The following SLC1A1 variants were observed in gnomAD, a reference collection of about 807,000 sequenced individuals.
The protein encoded by SLC1A1 is solute carrier family 1 member 1, also known as excitatory amino acid transporter 3.
Under a neutral mutation model 53.3 loss-of-function variants are expected in SLC1A1, and 43 were observed. That is an observed-to-expected ratio of 0.81 (90% confidence interval 0.63 to 1.04). SLC1A1 has a LOEUF of 1.04. SLC1A1 is among the 50% of genes least tolerant of loss of function. The pLI is 0.00. For missense variants in SLC1A1, 748 were observed against 664.9 expected (o/e 1.12, Z -1.37); for synonymous variants, 307 against 243.2 (o/e 1.26, Z -2.44).
At chr9:4,508,670 T>C (rs1208260501) in intron 1 of SLC1A1, among the ~76,000 whole-genome samples, 11 of 152,228 alleles carry the variant, frequency 7.2e-5, no homozygotes, top group Admixed American at 6.5e-4. Flanking sequence ...TTCATCCACA[T>C]TCCTGTGGCC....
In SLC1A1 at chr9:4,580,651, G is replaced by GTGTGTGTGTGTGTGTA. The variant is rs370378540; in HGVS notation, c.1194-2386_1194-2385insGTGTGTGTGTGTGTAT. ...TGTGTGTGTGTGTGTGTGTGTGTGT[G>GTGTGTGTGTGTGTGTA]TATAAGGAATAAAGAAGAAAGACAA... On this transcript the variant is annotated intron_variant, in intron 10 of 11. Coordinates refer to ENST00000262352, the MANE Select transcript of SLC1A1 (RefSeq NM_004170.6). Among the ~76,000 whole-genome samples, 536 of 118,778 alleles carry GTGTGTGTGTGTGTGTA rather than the reference G, an allele frequency of 4.5e-3. 13 individuals carry two copies. The highest frequency in any genetic ancestry group is 5.9e-3 in the Non-Finnish European group (364 of 61,198). 77.9% of individuals were successfully genotyped at this position (118,778 alleles called of 152,430 possible). A position where few individuals can be genotyped will look rare whatever the true frequency, so the allele number is the denominator to read the frequency against.
chr9:4,510,698 T>G (rs947709658), intron 1 of SLC1A1, among the ~76,000 whole-genome samples: 4 of 152,170 alleles, frequency 2.6e-5, no homozygotes, highest in Non-Finnish European at 4.4e-5. Context: ...GCAGGAGAGA[T>G]AAAGTTTCTG....
chr9:4,497,042 A>G (rs955206808), intron 1 of SLC1A1, among the ~76,000 whole-genome samples: 3 of 152,230 alleles, frequency 2.0e-5, no homozygotes, highest in South Asian at 4.1e-4. Context: ...TACTCCTGAG[A>G]TGGAAGGGAG....
intron 1 of SLC1A1, among the ~76,000 whole-genome samples, chr9:4,495,893 G>A (rs761191476): frequency 2.6e-5 from 4 of 152,126 alleles, no homozygotes; most frequent in Non-Finnish European, 4.4e-5. Flanking sequence ...AAGGGGCACC[G>A]ACTTGGAAAA....
intron 1 of SLC1A1, among the ~76,000 whole-genome samples, chr9:4,492,479 CA>C (rs34199207): frequency 0.45 from 43,694 of 96,364 alleles, 6,678 homozygotes; most frequent in Admixed American, 0.49. Flanking sequence ...AAGAATCCAC[CA>C]AAAAAAAAAA....
Position 4,583,111 on chromosome 9 carries a change from C to T in SLC1A1, c.1267C>T (p.Leu423=). 6.2e-7 allele frequency: 1 copy of T among 1,614,234 alleles called. No homozygotes were observed. The highest frequency in any genetic ancestry group is 8.5e-7 in the Non-Finnish European group (1 of 1,180,046). ...QAGLVTMVIV[L]SAVGLPAEDV... is the part of the protein sequence containing the mutation. ...TGGCCTGGTGACCATGGTGATTGTG[C>T]TGAGTGCCGTGGGCCTGCCCGCCGA... Residue 423 remains leucine (L), a synonymous_variant, in exon 11 of 12, where the codon CTG becomes TTG. Coordinates refer to ENST00000262352, the MANE Select transcript of SLC1A1 (RefSeq NM_004170.6). This position sits in a 1 kb window ranked among gnomAD's most constrained non-coding sequence, Gnocchi z 4.6.
At chr9:4,516,867 G>C (rs999589189) in intron 1 of SLC1A1, among the ~76,000 whole-genome samples, 7 of 152,122 alleles carry the variant, frequency 4.6e-5, no homozygotes, top group African/African-American at 1.7e-4. Context: ...GGCTTTCATG[G>C]TGTGCCCCAA....
At chr9:4,557,833 G>C (rs1375251209) in intron 2 of SLC1A1, among the ~76,000 whole-genome samples, 3 of 152,136 alleles carry the variant, frequency 2.0e-5, no homozygotes, top group African/African-American at 7.2e-5. Flanking sequence ...ATATGGAATA[G>C]TGGTTAAGAA....
At chr9:4,558,726 A>G (rs537442785) in intron 2 of SLC1A1, among the ~76,000 whole-genome samples, 3 of 152,282 alleles carry the variant, frequency 2.0e-5, no homozygotes, top group Non-Finnish European at 2.9e-5. Flanking sequence ...ATCCTGAGAG[A>G]GTACCAAACA....
intron 2 of SLC1A1, among the ~76,000 whole-genome samples, chr9:4,548,249 C>T (rs1452011225): frequency 2.0e-5 from 3 of 152,132 alleles, no homozygotes; most frequent in African/African-American, 4.8e-5. Context: ...TAGTCTTCAG[C>T]CTCCCTACCC....
intron 3 of SLC1A1, among the ~76,000 whole-genome samples, chr9:4,562,889 G>A (rs1044135329): frequency 6.7e-6 from 1 of 148,456 alleles, no homozygotes; most frequent in African/African-American, 2.5e-5. Flanking sequence ...GTGTGCATGT[G>A]TCTTTATAGC....
At position 4,556,207 on chromosome 9, in the gene SLC1A1, A is replaced by T. The variant is rs1227893554; in HGVS notation, c.233-5242A>T. Among the ~76,000 whole-genome samples the T allele has an allele frequency of 2.0e-5, 3 of 151,912 alleles. No homozygotes were observed. The highest frequency in any genetic ancestry group is 1.9e-4 in the East Asian group (1 of 5,190). On this transcript the variant is annotated intron_variant, in intron 2 of 11. Transcript: ENST00000262352. The surrounding 1 kb of genome is among the most constrained non-coding windows in gnomAD (Gnocchi z 4.1). ...TGTTTTTTTGTTTTTTTAAGTAGAG[A>T]TGGGGTTTCACCATGTTGGCCAGGC... is the stretch of plus-strand genomic sequence containing the variant.
At position 4,569,062 on chromosome 9, in the gene SLC1A1, G is replaced by A. The variant is rs145304055; in HGVS notation, c.582+1295G>A. 2.6e-4 allele frequency among the ~76,000 whole-genome samples: 39 copies of A among 152,258 alleles called. No homozygotes were observed. The East Asian group carries it at 7.1e-3, about 28-fold the overall frequency. The stretch of plus-strand genomic sequence containing the variant: ...AGAACATAACTACCAGGAATAGAGA[G>A]AGTCGACCACAAAGAGCAAAAAAAG... On this transcript the variant is annotated intron_variant, in intron 6 of 11. Coordinates refer to ENST00000262352, the MANE Select transcript of SLC1A1 (RefSeq NM_004170.6).
intron 7 of SLC1A1, 21 bp downstream of exon 7, chr9:4,572,409 G>T (rs1485620046): frequency 1.9e-6 from 3 of 1,603,738 alleles, no homozygotes. Flanking sequence ...ACTGTTTAAT[G>T]TCATTTTGCT....
intron 1 of SLC1A1, among the ~76,000 whole-genome samples, chr9:4,493,756 A>G (rs1468662881): frequency 6.6e-6 from 1 of 152,240 alleles, no homozygotes; most frequent in Non-Finnish European, 1.5e-5. Context: ...AGAAATAATA[A>G]TGCAATGAAA....
intron 2 of SLC1A1, among the ~76,000 whole-genome samples, chr9:4,557,257 T>C (rs949056478): frequency 1.3e-5 from 2 of 152,382 alleles, no homozygotes; most frequent in East Asian, 3.9e-4. Flanking sequence ...TACAGCCATA[T>C]GATCAGTGCA....
intron 2 of SLC1A1, among the ~76,000 whole-genome samples, 190 bp from the exon 3 acceptor site, chr9:4,561,259 G>T (rs368176194): frequency 6.6e-6 from 1 of 152,170 alleles, no homozygotes; most frequent in African/African-American, 2.4e-5. Flanking sequence ...ACTTGCACCT[G>T]ACTGGGCTTC....
intron 1 of SLC1A1, among the ~76,000 whole-genome samples, chr9:4,527,919 C>A (rs1816320948): frequency 6.6e-6 from 1 of 152,136 alleles, no homozygotes; most frequent in South Asian, 2.1e-4. Context: ...AGGAGCACAT[C>A]AGAAGACTCC....
At position 4,561,442 on chromosome 9, in the gene SLC1A1, C is replaced by A; in HGVS notation, c.233-7C>A. 6.5e-7 allele frequency: 1 copy of A among 1,539,460 alleles called. No individual in the cohort carries two copies. Among genetic ancestry groups the A allele is most frequent in the Non-Finnish European group, 9.0e-7 (1 of 1,112,046 alleles). On this transcript the variant is annotated splice_region_variant and splice_polypyrimidine_tract_variant and intron_variant, in intron 2 of 11. Transcript: ENST00000262352. ...TTAATGTAATTTGATTTCTGTCTCC[C>A]CTTCAGGTGTTGCTGCACTGGATTC...
Sources: allele counts gnomAD v4.1 joint callset (sites outside exome capture counted in the v4.1 genomes callset), GRCh38; gene constraint gnomAD v4.1.1; non-coding constraint Gnocchi (gnomAD v3.1); transcripts MANE v1.5; gene names NCBI Gene and HGNC (gene_info 2026-07-23, HGNC 2026-07-21).